Variants in VWF observed in about 807,000 individuals in gnomAD.
The protein encoded by VWF is Factor VIII related antigen.
VWF carries 176 observed loss-of-function variants against 308.6 expected under a neutral mutation model. The ratio of observed to expected loss-of-function variants is 0.57; its 90% CI spans 0.50 to 0.65. The LOEUF is 0.65. VWF is among the 30% of genes least tolerant of loss of function. The probability of loss-of-function intolerance (pLI) is 0.00; values close to 1 mark genes in which losing one functional copy is unlikely to be tolerated. For missense variants in VWF, 3,146 were observed against 3,648.2 expected (o/e 0.86, Z 3.55); for synonymous variants, 1,385 against 1,443.4 (o/e 0.96, Z 0.92).
chr12:6,078,118 A>G (rs1944866486), intron 6 of VWF, among the ~76,000 whole-genome samples: 1 of 152,126 alleles, frequency 6.6e-6, no homozygotes. Context: ...CCTCTAGAAT[A>G]GTGAGCAGGT....
intron 5 of VWF, among the ~76,000 whole-genome samples, chr12:6,101,900 C>T (rs915505069): frequency 1.3e-5 from 2 of 152,164 alleles, no homozygotes; most frequent in Admixed American, 6.5e-5. Flanking sequence ...CAGGGCCAGG[C>T]GTGGTGGCTC....
chr12:6,069,081 C>T (rs1051756622), intron 10 of VWF, among the ~76,000 whole-genome samples: 6 of 151,862 alleles, frequency 4.0e-5, no homozygotes, highest in Admixed American at 2.6e-4. Flanking sequence ...GGTCTCCAAC[C>T]CCTGGGCTCA....
chr12:6,007,776 G>C (rs796550484), intron 34 of VWF, among the ~76,000 whole-genome samples: 5 of 151,958 alleles, frequency 3.3e-5, no homozygotes, highest in African/African-American at 1.2e-4. Context: ...TTTTTTAAAG[G>C]TCAACAAAAT....
intron 5 of VWF, among the ~76,000 whole-genome samples, chr12:6,106,823 T>A (rs572607684): frequency 6.0e-4 from 79 of 132,666 alleles, no homozygotes; most frequent in African/African-American, 2.1e-3. Context: ...TGGAGTGAGC[T>A]GAGATCACAC....
rs11063987 is a variant in VWF at position 6,019,114 on chromosome 12, T to C, written c.4304A>G (p.Asn1435Ser). Reference sequence around the variant, plus strand: ...CACACTGCTCAGCACGAAGGCCTTGTTCTCAGGGGCCTGCTTCTCGATGAG... The same window carrying C: ...CACACTGCTCAGCACGAAGGCCTTGCTCTCAGGGGCCTGCTTCTCGATGAG... ...IRLIEKQAPE[N>S]KAFVLSSVDE... Residue 1435 changes from asparagine to serine, a missense_variant, in exon 28 of 52, where the codon AAC becomes AGC. By Grantham distance (46) the Asn-to-Ser change is conservative. This residue lies in a region of VWF where 853 missense variants were observed against 1,177.8 expected (regional missense o/e 0.72). Transcript: ENST00000261405. The surrounding 1 kb of genome is among the most constrained non-coding windows in gnomAD (Gnocchi z 5.8). The C allele has an allele frequency of 6.1e-3, 9,834 of 1,613,798 alleles. 510 individuals carry two copies. In the African/African-American group the frequency reaches 0.11, roughly 18 times the overall value.
At chr12:6,069,985 G>A (rs978424526) in intron 10 of VWF, among the ~76,000 whole-genome samples, 4 of 152,140 alleles carry the variant, frequency 2.6e-5, no homozygotes, top group Admixed American at 6.5e-5. Flanking sequence ...GGTTACAAAC[G>A]TCTAAAAAAA....
intron 35 of VWF, 50 bp from the exon 36 acceptor site, chr12:5,994,657 T>C (rs71579337): frequency 0.017 from 27,390 of 1,576,818 alleles, 316 homozygotes; most frequent in Admixed American, 0.023. Flanking sequence ...TGAGGAATCC[T>C]AGGTTTTTAG....
At chr12:6,121,052 T>C (rs1013247718) in intron 3 of VWF, 122 bp downstream of exon 3, 5 of 1,373,474 alleles carry the variant, frequency 3.6e-6, no homozygotes, top group Non-Finnish European at 3.0e-6. Context: ...GTTCCTCTCC[T>C]TGTTCTCAGC....
At position 6,044,455 on chromosome 12, in the gene VWF, G is replaced by C. The variant is rs750454486; in HGVS notation, c.2282-4C>G. 4 of 1,613,782 alleles carry C rather than the reference G, an allele frequency of 2.5e-6. No homozygotes were observed. Among genetic ancestry groups the C allele is most frequent in the Non-Finnish European group, 3.4e-6 (4 of 1,179,938 alleles). ...CGACAGGATAGGCTCCTTTTGCCTC[G>C]AAGGTAGGAAAAGCAAAGAGATGAT... On this transcript the variant is annotated splice_polypyrimidine_tract_variant and splice_region_variant and intron_variant, in intron 17 of 51. Transcript: ENST00000261405.
chr12:6,111,913 G>A (rs561876047), intron 3 of VWF, among the ~76,000 whole-genome samples: 10 of 152,148 alleles, frequency 6.6e-5, no homozygotes, highest in Non-Finnish European at 1.3e-4. Flanking sequence ...AGCGGAGATC[G>A]CGCCACTGCA....
chr12:5,952,656 C>T, intron 48 of VWF, 137 bp from the exon 49 acceptor site: 2 of 1,211,380 alleles, frequency 1.7e-6, no homozygotes, highest in East Asian at 5.4e-5. Flanking sequence ...TATAATAAAG[C>T]CCCCACACCC....
At chr12:5,984,912 T>A in intron 40 of VWF, 133 bp downstream of exon 40, 1 of 913,760 alleles carries the variant, frequency 1.1e-6, no homozygotes, top group Non-Finnish European at 1.8e-6. Flanking sequence ...TTTTGGAGTA[T>A]CCAGTCGGTC....
At chr12:6,064,120 A>G (rs1944685687) in intron 12 of VWF, 126 bp downstream of exon 12, 2 of 1,494,634 alleles carry the variant, frequency 1.3e-6, no homozygotes, top group Admixed American at 3.6e-5. Flanking sequence ...TCCAAAAATA[A>G]CTCTCCATCA....
At chr12:6,105,532 G>A (rs762004284) in intron 5 of VWF, among the ~76,000 whole-genome samples, 44 of 151,854 alleles carry the variant, frequency 2.9e-4, no homozygotes, top group Admixed American at 8.5e-4. Flanking sequence ...CACCACGCCC[G>A]GCCTTATACA....
intron 31 of VWF, among the ~76,000 whole-genome samples, chr12:6,015,218 A>C (rs1442506999): frequency 2.0e-5 from 3 of 152,246 alleles, no homozygotes. Flanking sequence ...TACACAGATG[A>C]TACAAAAATA....
Position 6,029,410 on chromosome 12 carries a change from C to T in VWF, c.2899G>A (p.Gly967Ser), listed in dbSNP as rs149573046. The change falls in exon 22 of 52, where the codon GGC (glycine) becomes AGC (serine). Residue 967 changes from glycine (G) to serine (S), a missense_variant. By Grantham distance (56) the Gly-to-Ser change is moderately conservative (BLOSUM62 0). This residue lies in a region of VWF where 1,304 missense variants were observed against 1,353.0 expected (regional missense o/e 0.96). Coordinates refer to ENST00000261405, the MANE Select transcript of VWF (RefSeq NM_000552.5). ...ESGRYIILLL[G>S]KALSVVWDRH... ...TCCCAGACCACGGAGAGGGCTTTGCCCAGCAGCAGAATGATGTACCGGCCA... is the reference window on the plus strand; with the variant it reads ...TCCCAGACCACGGAGAGGGCTTTGCTCAGCAGCAGAATGATGTACCGGCCA... 4 of 1,613,996 alleles carry T rather than the reference C, an allele frequency of 2.5e-6. No individual in the cohort carries two copies. The African/African-American group carries it at 4.0e-5, about 16-fold the overall frequency.
At position 6,063,241 on chromosome 12, in the gene VWF, A is replaced by G. The variant is rs565245582; in HGVS notation, c.1433-187T>C. Among the ~76,000 whole-genome samples, 3 of 152,284 alleles carry G rather than the reference A, an allele frequency of 2.0e-5. No individual in the cohort carries two copies. In the South Asian group the frequency reaches 6.2e-4, roughly 32 times the overall value. On this transcript the variant is annotated intron_variant, in intron 12 of 51. Transcript: ENST00000261405. This position sits in a 1 kb window ranked among gnomAD's most constrained non-coding sequence, Gnocchi z 4.9. The stretch of plus-strand genomic sequence containing the variant: ...AGGAGGAAGGGTGATCAAGGTGGAC[A>G]GAGCGCAAATAGGGTCCCCCAGGAA...
chr12:6,006,755 G>A (rs1943932320), intron 34 of VWF, among the ~76,000 whole-genome samples: 1 of 151,962 alleles, frequency 6.6e-6, no homozygotes, highest in South Asian at 2.1e-4. Flanking sequence ...CTCCAGCCTG[G>A]GCAACAGAGC....
At chr12:6,038,529 G>GGCCCAGGGAGAC (rs1944362103) in intron 18 of VWF, among the ~76,000 whole-genome samples, 1 of 151,970 alleles carries the variant, frequency 6.6e-6, no homozygotes, top group African/African-American at 2.4e-5. Context: ...AACCCACCAT[G>GGCCCAGGGAGAC]CCTCCTGTCA....
Sources: allele counts gnomAD v4.1 joint callset (sites outside exome capture counted in the v4.1 genomes callset), GRCh38; gene constraint gnomAD v4.1.1; regional missense constraint gnomAD v4.1.1; non-coding constraint Gnocchi (gnomAD v3.1); transcripts MANE v1.5; gene names NCBI Gene and HGNC (gene_info 2026-07-23, HGNC 2026-07-21).